The following DLEU7 variants were observed in gnomAD, a reference collection of about 807,000 sequenced individuals.
DLEU7 encodes leukemia-associated protein 7.
A neutral mutation model predicts 16.0 loss-of-function variants in DLEU7; 17 were observed. The ratio of observed to expected loss-of-function variants is 1.06; its 90% CI spans 0.73 to 1.59. The LOEUF (loss-of-function observed/expected upper bound fraction) is 1.59. Ranked by LOEUF, DLEU7 falls within the 40% of genes most tolerant of loss-of-function variation. DLEU7 has a pLI of 0.00. For synonymous variants in DLEU7, 113 were observed against 139.8 expected (o/e 0.81, Z 1.35); for missense variants, 308 against 314.9 (o/e 0.98, Z 0.17).
At chr13:50,831,556 G>A (rs2137809424) in intron 1 of DLEU7, among the ~76,000 whole-genome samples, 1 of 152,298 alleles carries the variant, frequency 6.6e-6, no homozygotes, top group South Asian at 2.1e-4. Context: ...ACATGATTGT[G>A]TGGAAGGCCT....
chr13:50,832,113 C>T (rs1877291240), intron 1 of DLEU7, among the ~76,000 whole-genome samples: 1 of 152,126 alleles, frequency 6.6e-6, no homozygotes, highest in Admixed American at 6.5e-5. Context: ...CCATCTGGTC[C>T]TGGGCTTTTT....
chr13:50,788,486 C>T lies in DLEU7; in HGVS notation c.459+54702G>A, dbSNP rs923549014. ...ATTCCTGGCACTTAGCAGAAAGAACCTCATTGTCGAGGACACTCTAAATAC... is the reference window on the plus strand; with the variant it reads ...ATTCCTGGCACTTAGCAGAAAGAACTTCATTGTCGAGGACACTCTAAATAC... On this transcript the variant is annotated intron_variant, in intron 1 of 1. Transcript: ENST00000400393. 2.0e-5 allele frequency among the ~76,000 whole-genome samples: 3 copies of T among 152,136 alleles called. No homozygotes were observed. The East Asian group carries it at 5.8e-4, about 29-fold the overall frequency.
At chr13:50,833,178 G>A (rs915153592) in intron 1 of DLEU7, among the ~76,000 whole-genome samples, 2 of 152,166 alleles carry the variant, frequency 1.3e-5, no homozygotes, top group African/African-American at 4.8e-5. Context: ...ATTCAACATA[G>A]TATTGGAAGT....
chr13:50,753,550 G>T (rs1393674490), intron 1 of DLEU7, among the ~76,000 whole-genome samples: 1 of 152,230 alleles, frequency 6.6e-6, no homozygotes, highest in Admixed American at 6.5e-5. Context: ...CGCTGGCCCG[G>T]TTGCTAAGCC....
intron 1 of DLEU7, among the ~76,000 whole-genome samples, chr13:50,760,150 A>G (rs1043581164): frequency 3.3e-5 from 5 of 152,252 alleles, no homozygotes; most frequent in African/African-American, 1.2e-4. Context: ...TGCAATTCAT[A>G]TTTAGGCTTT....
At position 50,768,816 on chromosome 13, in the gene DLEU7, G is replaced by A. The variant is rs144114774; in HGVS notation, c.460-55576C>T. ...TATATACCCAGTAATGGGATGGCTC[G>A]GTCAAATGGTATTTCTAGTTCTAGA... On this transcript the variant is annotated intron_variant, in intron 1 of 1. Coordinates refer to the DLEU7 transcript ENST00000400393. Among the ~76,000 whole-genome samples the A allele has an allele frequency of 4.1e-4, 63 of 152,210 alleles. 1 individual carries two copies. In the East Asian group the frequency reaches 0.01, roughly 25 times the overall value.
intron 1 of DLEU7, among the ~76,000 whole-genome samples, chr13:50,739,125 C>T (rs757178552): frequency 3.3e-5 from 5 of 152,124 alleles, no homozygotes; most frequent in African/African-American, 4.8e-5. Flanking sequence ...TTTATTTCCT[C>T]CTCTCCTCCC....
rs138507021 is a variant in DLEU7, at chr13:50,768,215, C to T, written c.460-54975G>A. Among the ~76,000 whole-genome samples the T allele has an allele frequency of 3.2e-4, 49 of 151,968 alleles. 1 individual carries two copies. In the East Asian group the frequency reaches 5.4e-3, roughly 17 times the overall value. ...TCTAAATTATGTATGTGTGTGTGTA[C>T]GTACACATATATACATATATATATT... On this transcript the variant is annotated intron_variant, in intron 1 of 1. Transcript: ENST00000400393.
intron 1 of DLEU7, among the ~76,000 whole-genome samples, chr13:50,783,245 C>T (rs943799753): frequency 3.9e-5 from 6 of 152,224 alleles, no homozygotes; most frequent in African/African-American, 1.4e-4. Context: ...TTCCCTATCT[C>T]ACTTCCCCTA....
intron 1 of DLEU7, among the ~76,000 whole-genome samples, chr13:50,754,833 T>C (rs1874703852): frequency 6.6e-6 from 1 of 152,224 alleles, no homozygotes; most frequent in Non-Finnish European, 1.5e-5. Flanking sequence ...GTTTCCAGGA[T>C]TTGCTTCAAG....
chr13:50,800,605 G>T (rs181823142), intron 1 of DLEU7, among the ~76,000 whole-genome samples: 66 of 152,170 alleles, frequency 4.3e-4, no homozygotes, highest in African/African-American at 1.5e-3. Flanking sequence ...GGGTTTTCCC[G>T]CACATTAAAA....
chr13:50,783,471 C>T (rs897200175), intron 1 of DLEU7, among the ~76,000 whole-genome samples: 1 of 152,190 alleles, frequency 6.6e-6, no homozygotes, highest in African/African-American at 2.4e-5. Flanking sequence ...CAAACCATCT[C>T]ACTCCAAGTT....
At chr13:50,767,312 C>T (rs546213995) in intron 1 of DLEU7, among the ~76,000 whole-genome samples, 1 of 152,030 alleles carries the variant, frequency 6.6e-6, no homozygotes, top group African/African-American at 2.4e-5. Context: ...AAAAATTAGC[C>T]GGGCGTGGTG....
chr13:50,749,272 A>G (rs914131382), intron 1 of DLEU7, among the ~76,000 whole-genome samples: 1 of 151,916 alleles, frequency 6.6e-6, no homozygotes, highest in Non-Finnish European at 1.5e-5. Flanking sequence ...ATATTTATAT[A>G]TCTATTTTTA....
intron 1 of DLEU7, among the ~76,000 whole-genome samples, chr13:50,727,700 C>T (rs1167156683): frequency 6.6e-6 from 1 of 152,318 alleles, no homozygotes; most frequent in East Asian, 1.9e-4. Flanking sequence ...TGGGCCAGTC[C>T]TCTTCCACTT....
chr13:50,835,358 G>A (rs1019405236), intron 1 of DLEU7, among the ~76,000 whole-genome samples: 3 of 152,110 alleles, frequency 2.0e-5, no homozygotes, highest in Non-Finnish European at 4.4e-5. Flanking sequence ...GGGGCTTCTT[G>A]GAAGCAAGTG....
intron 1 of DLEU7, among the ~76,000 whole-genome samples, chr13:50,814,612 TG>T (rs1374384927): frequency 6.6e-6 from 1 of 151,120 alleles, no homozygotes; most frequent in Non-Finnish European, 1.5e-5. Flanking sequence ...AACATGGCTG[TG>T]GGGAATCAAG....
In DLEU7 at chr13:50,746,328, T is replaced by TA. The variant is rs149439700; in HGVS notation, c.460-33089dup. On this transcript the variant is annotated intron_variant, in intron 1 of 1. Transcript: ENST00000400393. ...GAAAGGAAAATAGCTCAAGAAATGC[T>TA]AAAAAATAACTGTTGCCTAGTTCAG... Among the ~76,000 whole-genome samples, 1,422 of 152,316 alleles carry TA rather than the reference T, an allele frequency of 9.3e-3. 20 individuals are homozygous for TA. Among genetic ancestry groups the TA allele is most frequent in the African/African-American group, 0.033 (1,354 of 41,568 alleles).
chr13:50,836,433 G>A (rs1877467349), intron 1 of DLEU7, among the ~76,000 whole-genome samples: 1 of 152,170 alleles, frequency 6.6e-6, no homozygotes. Context: ...CCAGCACTTT[G>A]GGAGGCTGAG....
Sources: gnomAD v4.1 joint callset for allele counts (sites outside exome capture counted in the v4.1 genomes callset) on GRCh38, gnomAD v4.1.1 for gene constraint, MANE v1.5 for transcripts, NCBI Gene and HGNC (gene_info 2026-07-23, HGNC 2026-07-21) for gene names.